ATOSA: variants seen among roughly 807,000 people sequenced by gnomAD.
The protein encoded by ATOSA is atos homolog protein A.
At chr15:52,652,487 T>C in the ATOSA span, among the ~76,000 whole-genome samples, 20 of 152,250 alleles carry the variant, frequency 1.3e-4, no homozygotes, top group East Asian at 2.7e-3. Flanking sequence ...ATTGTCAACC[T>C]TCATATACCT....
At chr15:52,588,630 T>C in the ATOSA span, among the ~76,000 whole-genome samples, 2 of 151,920 alleles carry the variant, frequency 1.3e-5, no homozygotes, top group East Asian at 3.9e-4. Flanking sequence ...GTAGAGATGG[T>C]TGGGGGCAGG....
chr15:52,688,967 C>G, the ATOSA span, among the ~76,000 whole-genome samples: 7 of 152,294 alleles, frequency 4.6e-5, no homozygotes, highest in East Asian at 1.3e-3. Context: ...AGAAAATAAC[C>G]CACAGTTGGG....
chr15:52,619,244 C>T, the ATOSA span, among the ~76,000 whole-genome samples: 4 of 152,056 alleles, frequency 2.6e-5, no homozygotes, highest in Non-Finnish European at 5.9e-5. Context: ...ATAGATTGTA[C>T]TTGAAAATTG....
chr15:52,702,618 G>C, the ATOSA span, among the ~76,000 whole-genome samples: 1 of 152,028 alleles, frequency 6.6e-6, no homozygotes, highest in African/African-American at 2.4e-5. Context: ...GGGCAGGGAG[G>C]GAGGAGGACA....
the ATOSA span, among the ~76,000 whole-genome samples, chr15:52,642,396 C>T: frequency 6.6e-6 from 1 of 152,214 alleles, no homozygotes; most frequent in East Asian, 1.9e-4. Context: ...AGCAAACTCA[C>T]ATGTAAAATG....
chr15:52,609,360 A>G, the ATOSA span: 1 of 1,613,988 alleles, frequency 6.2e-7, no homozygotes, highest in Non-Finnish European at 8.5e-7. Flanking sequence ...TAAACACTTT[A>G]GATGCAACCG....
At chr15:52,602,722 T>C in the ATOSA span, among the ~76,000 whole-genome samples, 4 of 152,148 alleles carry the variant, frequency 2.6e-5, no homozygotes, top group Non-Finnish European at 4.4e-5. Flanking sequence ...CCCGAGTAAA[T>C]AGATGGATAC....
the ATOSA span, chr15:52,593,826 G>T: frequency 8.0e-7 from 1 of 1,248,804 alleles, no homozygotes; most frequent in Non-Finnish European, 1.1e-6. Flanking sequence ...TTAGTCTAAA[G>T]GCAGAGAAGT....
chr15:52,657,275 G>A, the ATOSA span: 1 of 152,102 alleles, frequency 6.6e-6, no homozygotes, highest in Non-Finnish European at 1.5e-5. Context: ...AAATTCTGGA[G>A]AATGTTAACA....
At chr15:52,659,595 T>C in the ATOSA span, among the ~76,000 whole-genome samples, 1 of 152,150 alleles carries the variant, frequency 6.6e-6, no homozygotes, top group Non-Finnish European at 1.5e-5. Context: ...CCCATGTAAA[T>C]TACAAAATAT....
chr15:52,660,625 T>C, the ATOSA span, among the ~76,000 whole-genome samples: 3 of 152,198 alleles, frequency 2.0e-5, no homozygotes, highest in African/African-American at 7.2e-5. Flanking sequence ...GGCAAATTTA[T>C]TGAGTATTTA....
chr15:52,645,660 T>C, the ATOSA span, among the ~76,000 whole-genome samples: 2 of 152,166 alleles, frequency 1.3e-5, no homozygotes, highest in South Asian at 4.1e-4. Context: ...ACTAATCCTA[T>C]TCAATTTCAT....
At chr15:52,626,271 T>C in the ATOSA span, among the ~76,000 whole-genome samples, 1 of 152,276 alleles carries the variant, frequency 6.6e-6, no homozygotes, top group African/African-American at 2.4e-5. Flanking sequence ...TCTCTCCTTT[T>C]TAAAGCTCTC....
the ATOSA span, among the ~76,000 whole-genome samples, chr15:52,694,994 G>A: frequency 6.0e-5 from 9 of 149,370 alleles, no homozygotes; most frequent in African/African-American, 1.7e-4. Flanking sequence ...GTGTGATCCC[G>A]GCTCACTGCA....
At chr15:52,677,543 C>G in the ATOSA span, among the ~76,000 whole-genome samples, 2 of 152,148 alleles carry the variant, frequency 1.3e-5, no homozygotes, top group Admixed American at 6.5e-5. Context: ...TTGGAGTTTG[C>G]TTAAAGCACA....
the ATOSA span, chr15:52,678,054 A>G: frequency 6.2e-7 from 1 of 1,613,944 alleles, no homozygotes; most frequent in South Asian, 1.1e-5. Flanking sequence ...GAGTGCTGTG[A>G]AATGCACCTG....
At chr15:52,681,680 A>G in the ATOSA span, among the ~76,000 whole-genome samples, 1 of 152,122 alleles carries the variant, frequency 6.6e-6, no homozygotes, top group Non-Finnish European at 1.5e-5. Flanking sequence ...CCCTCTTTTC[A>G]TCTGATTTGC....
the ATOSA span, among the ~76,000 whole-genome samples, chr15:52,617,510 T>C: frequency 2.0e-5 from 3 of 152,144 alleles, no homozygotes; most frequent in African/African-American, 7.2e-5. Flanking sequence ...TCCAAAAATG[T>C]GACTATTTCA....
At chr15:52,590,220 T>A in the ATOSA span, among the ~76,000 whole-genome samples, 1 of 152,218 alleles carries the variant, frequency 6.6e-6, no homozygotes, top group African/African-American at 2.4e-5. Flanking sequence ...AACTATATCT[T>A]GATCTGGTTA....
Sources: allele counts gnomAD v4.1 joint callset (sites outside exome capture counted in the v4.1 genomes callset), GRCh38; gene constraint gnomAD v4.1.1; transcripts MANE v1.5; gene names NCBI Gene and HGNC (gene_info 2026-07-23, HGNC 2026-07-21).